The following SYMPK variants were observed in gnomAD, a reference collection of about 807,000 sequenced individuals.
The protein encoded by SYMPK is symplekin.
Under a neutral mutation model 136.4 loss-of-function variants are expected in SYMPK, and 49 were observed. That is an observed-to-expected ratio of 0.36 (90% CI 0.29 to 0.46). The LOEUF (loss-of-function observed/expected upper bound fraction) is 0.46, where lower values mean the gene tolerates loss of function less well. Among genes scored for constraint, SYMPK ranks in the 20% least tolerant of loss-of-function variants. The probability of loss-of-function intolerance (pLI) is 1.00; values close to 1 mark genes in which losing one functional copy is unlikely to be tolerated. For synonymous variants in SYMPK, 766 were observed against 713.0 expected, an observed-to-expected ratio of 1.07 and a Z score of -1.19; for missense variants, 1,365 against 1,690.0, an observed-to-expected ratio of 0.81 and a Z score of 3.37.
intron 8 of SYMPK, 68 bp downstream of exon 8, chr19:45,843,962 A>C: frequency 9.5e-7 from 1 of 1,056,498 alleles, no homozygotes; most frequent in East Asian, 3.9e-5. Flanking sequence ...AAAAAAAAAA[A>C]AAAAAAAAGA....
rs559426079 is a variant in SYMPK, at chr19:45,847,808, T to A, written c.620A>T (p.Gln207Leu). 2 of 1,614,122 alleles carry A rather than the reference T, an allele frequency of 1.2e-6. No individual in the cohort carries two copies. The highest frequency in any genetic ancestry group is 4.5e-5 in the East Asian group (2 of 44,872). Reference protein sequence around the residue: ...RMADSEIPRRQEHDISLDRIP... With the variant: ...RMADSEIPRRLEHDISLDRIP... Reference sequence around the variant, plus strand: ...GCGGTCCAGGCTGATATCATGCTCCTGGCGTCGGGGTATCTCTGAGTCAGC... The same window carrying A: ...GCGGTCCAGGCTGATATCATGCTCCAGGCGTCGGGGTATCTCTGAGTCAGC... Residue 207 changes from glutamine (Q) to leucine (L), a missense_variant, in exon 7 of 27, where the codon CAG becomes CTG. Physicochemically the swap from Gln to Leu is moderately radical, Grantham distance 113. Around this residue, in one of 11 missense-constraint regions of SYMPK, gnomAD observed 237 missense variants for 292.9 expected, o/e 0.81. Transcript: ENST00000245934.
chr19:45,855,463 A>G (rs1037559013), intron 1 of SYMPK: 1 of 152,168 alleles, frequency 6.6e-6, no homozygotes, highest in Non-Finnish European at 1.5e-5. Context: ...AAATAGGGAG[A>G]CTGGCTGAAA....
At chr19:45,817,427 T>C (rs1174259754) in intron 23 of SYMPK, among the ~76,000 whole-genome samples, 3 of 58,516 alleles carry the variant, frequency 5.1e-5, no homozygotes, top group Non-Finnish European at 6.8e-5. Flanking sequence ...CTTTTTTTTT[T>C]TTTTTTTTTT....
Position 45,842,650 on chromosome 19 carries a change from A to G in SYMPK, c.848-161T>C, listed in dbSNP as rs899941258. 6.3e-6 allele frequency: 6 copies of G among 949,442 alleles called. No homozygotes were observed. The African/African-American group carries it at 8.3e-5, about 13-fold the overall frequency. The allele number at this position is 949,442 out of a possible 1,614,324, so 58.8% of individuals were successfully genotyped here. A position where few individuals can be genotyped will look rare whatever the true frequency, so the allele number is the denominator to read the frequency against. On this transcript the variant is annotated intron_variant, in intron 8 of 26. Transcript: ENST00000245934. The stretch of plus-strand genomic sequence containing the variant: ...GTGTGGCTTTCCGCCTTACAAGCTG[A>G]TGCTTCAAACCCTGGGGGTCTCCAT...
chr19:45,849,172 A>G (rs1971638335), intron 5 of SYMPK, among the ~76,000 whole-genome samples: 2 of 152,206 alleles, frequency 1.3e-5, no homozygotes, highest in Non-Finnish European at 2.9e-5. Flanking sequence ...CTCATTTAGA[A>G]TAATAGTATC....
chr19:45,823,430 T>C lies in SYMPK; in HGVS notation c.2642A>G (p.Tyr881Cys), dbSNP rs1205113317. 3 of 1,613,830 alleles carry C rather than the reference T, an allele frequency of 1.9e-6. No individual in the cohort carries two copies. Among genetic ancestry groups the C allele is most frequent in the Admixed American group, 3.3e-5 (2 of 60,000 alleles). Residue 881 changes from tyrosine (Y) to cysteine (C), a missense_variant, in exon 20 of 27, where the codon TAC becomes TGC. Physicochemically the swap from Tyr to Cys is radical, Grantham distance 194 (BLOSUM62 -2). Transcript: ENST00000245934. ...GCGGACGTCTGGCAGTCGCTTGTGG[T>C]AGAGATCCCGGACCCGCTTCACCAG... ...PELVKRVRDL[Y>C]HKRLPDVRFL...
At chr19:45,816,688 C>T (rs1241574351) in intron 24 of SYMPK, 110 bp downstream of exon 24, 29 of 1,518,032 alleles carry the variant, frequency 1.9e-5, no homozygotes, top group Non-Finnish European at 2.4e-5. Context: ...CAGTGCAGGG[C>T]CTTCTTGTGT....
chr19:45,858,618 C>T (rs1334298548), intron 1 of SYMPK, among the ~76,000 whole-genome samples: 1 of 152,070 alleles, frequency 6.6e-6, no homozygotes, highest in Non-Finnish European at 1.5e-5. Context: ...CAAGTTCAAG[C>T]GATTCTCCTG....
intron 5 of SYMPK, among the ~76,000 whole-genome samples, chr19:45,850,212 C>T (rs1241702055): frequency 5.9e-5 from 9 of 151,898 alleles, no homozygotes; most frequent in Non-Finnish European, 1.3e-4. Context: ...ACCACTGCAC[C>T]CCAGTCTGGC....
chr19:45,820,210 T>A (rs938155183), intron 22 of SYMPK: 1 of 152,272 alleles, frequency 6.6e-6, no homozygotes, highest in Non-Finnish European at 1.5e-5. Context: ...CCTCAAACTG[T>A]ATGCAAATAA....
In SYMPK at chr19:45,826,268, G is replaced by A. The variant is rs1971041620; in HGVS notation, c.2287C>T (p.Pro763Ser). 6.2e-7 allele frequency: 1 copy of A among 1,613,544 alleles called. No homozygotes were observed. Among genetic ancestry groups the A allele is most frequent in the South Asian group, 1.1e-5 (1 of 90,894 alleles). Residue 763 changes from proline (P) to serine (S), a missense_variant, in exon 17 of 27, where the codon CCC becomes TCC. Transcript: ENST00000245934. ...ALNYLQLLVH[P>S]NPPSVLFGAD... ...CCAAACAGCACAGACGGTGGGTTGGGGTGCACCAGGAGCTGCAGGTAGTTG... is the reference window on the plus strand; with the variant it reads ...CCAAACAGCACAGACGGTGGGTTGGAGTGCACCAGGAGCTGCAGGTAGTTG...
In SYMPK at chr19:45,831,509, C is replaced by T. The variant is rs747979256; in HGVS notation, c.1473G>A (p.Arg491=). ...TGGCTTGGCCCTGGGCTGACAGGCGCCGCTTGATCAGGACGCTCTCTGTCT... is the reference window on the plus strand; with the variant it reads ...TGGCTTGGCCCTGGGCTGACAGGCGTCGCTTGATCAGGACGCTCTCTGTCT... ...VVKTESVLIK[R]RLSAQGQAIS... The change falls in exon 12 of 27, where the codon CGG becomes CGA. Residue 491 remains arginine, a synonymous_variant. Coordinates refer to ENST00000245934, the MANE Select transcript of SYMPK (RefSeq NM_004819.3). The T allele has an allele frequency of 1.2e-5, 20 of 1,611,522 alleles. No individual in the cohort carries two copies. The South Asian group carries it at 2.1e-4, about 17-fold the overall frequency.
intron 21 of SYMPK, among the ~76,000 whole-genome samples, chr19:45,822,115 CTTTTTTTTT>C (rs141894331): frequency 3.5e-5 from 3 of 86,124 alleles, no homozygotes; most frequent in African/African-American, 1.4e-4. Context: ...AGTTTTGCTT[CTTTTTTTTT>C]TTTTTTTTTT....
intron 14 of SYMPK, 150 bp from the exon 15 acceptor site, chr19:45,828,068 G>C: frequency 4.6e-6 from 3 of 653,638 alleles, no homozygotes; most frequent in Non-Finnish European, 5.4e-6. Context: ...GAGGTGAACA[G>C]AACAGGGTTC....
chr19:45,824,219 A>C, intron 18 of SYMPK: 1 of 226,062 alleles, frequency 4.4e-6, no homozygotes, highest in Non-Finnish European at 8.9e-6. Context: ...CTGCTTCGTG[A>C]CTCGGTTTCT....
Position 45,857,595 on chromosome 19 carries a change from C to T in SYMPK, c.-12-3088G>A, listed in dbSNP as rs1376618749. 4.7e-5 allele frequency among the ~76,000 whole-genome samples: 7 copies of T among 150,190 alleles called. No individual in the cohort carries two copies. In the Admixed American group the frequency reaches 4.7e-4, roughly 10 times the overall value. On this transcript the variant is annotated intron_variant, in intron 1 of 26. Coordinates refer to ENST00000245934, the MANE Select transcript of SYMPK (RefSeq NM_004819.3). ...CAAGCTCCGCCTCCTGGGTTCACAC[C>T]ATTCTCCTGCCTCAGCCTCCCCAGT...
chr19:45,859,715 G>A (rs1311294255), intron 1 of SYMPK, among the ~76,000 whole-genome samples: 1 of 151,920 alleles, frequency 6.6e-6, no homozygotes, highest in Non-Finnish European at 1.5e-5. Flanking sequence ...GATGGCTTGA[G>A]GCCAGGAGTT....
At chr19:45,862,917 G>A (rs987091219) in intron 1 of SYMPK, 141 bp downstream of exon 1, 14 of 399,330 alleles carry the variant, frequency 3.5e-5, no homozygotes, top group African/African-American at 2.0e-4. Flanking sequence ...GCCAAGGAAG[G>A]GTCCTGAGCA....
intron 1 of SYMPK, among the ~76,000 whole-genome samples, chr19:45,860,381 T>C (rs1433167673): frequency 1.3e-5 from 2 of 151,554 alleles, no homozygotes; most frequent in African/African-American, 4.9e-5. Context: ...TCGCTTGAAT[T>C]TGGGAGGAGG....
Sources: gnomAD v4.1 joint callset for allele counts (sites outside exome capture counted in the v4.1 genomes callset) on GRCh38, gnomAD v4.1.1 for gene constraint, gnomAD v4.1.1 regional missense constraint, MANE v1.5 for transcripts, NCBI Gene and HGNC (gene_info 2026-07-23, HGNC 2026-07-21) for gene names.